The following NCAPH variants were observed in gnomAD, a reference collection of about 807,000 sequenced individuals.
NCAPH encodes the protein condensin complex subunit 2.
A neutral mutation model predicts 85.5 loss-of-function variants in NCAPH; 38 were observed. That is an observed-to-expected ratio of 0.44 (90% CI 0.34 to 0.58). NCAPH has a LOEUF of 0.58. Among genes scored for constraint, NCAPH ranks in the 20% least tolerant of loss-of-function variants. The probability of loss-of-function intolerance (pLI) is 0.01; values close to 1 mark genes in which losing one functional copy is unlikely to be tolerated. For synonymous variants in NCAPH, 301 were observed against 335.1 expected, an observed-to-expected ratio of 0.90 and a Z score of 1.11; for missense variants, 789 against 916.6, an observed-to-expected ratio of 0.86 and a Z score of 1.80.
chr2:96,361,829 T>TATATATATA (rs1491107013), intron 12 of NCAPH, among the ~76,000 whole-genome samples: 3 of 70,958 alleles, frequency 4.2e-5, no homozygotes, highest in African/African-American at 1.6e-4. Context: ...TATATATATA[T>TATATATATA]TTTTTTTTTT....
intron 1 of NCAPH, among the ~76,000 whole-genome samples, chr2:96,338,439 A>G (rs928961314): frequency 3.3e-5 from 5 of 152,076 alleles, no homozygotes; most frequent in Non-Finnish European, 7.3e-5. Context: ...TTTATTTTGG[A>G]TGGTCACTGT....
intron 16 of NCAPH, 22 bp downstream of exon 16, chr2:96,369,085 G>A: frequency 6.4e-7 from 1 of 1,550,994 alleles, no homozygotes; most frequent in Non-Finnish European, 8.7e-7. Flanking sequence ...CAGGCATGGG[G>A]GCTTTGTTGG....
intron 6 of NCAPH, among the ~76,000 whole-genome samples, chr2:96,346,119 A>C (rs2064357900): frequency 6.6e-6 from 1 of 152,056 alleles, no homozygotes; most frequent in East Asian, 1.9e-4. Context: ...CGCAGGTGAG[A>C]GGTAGGGAAT....
At chr2:96,343,959 C>T in intron 5 of NCAPH, 146 bp from the exon 6 acceptor site, 1 of 1,020,430 alleles carries the variant, frequency 9.8e-7, no homozygotes, top group Non-Finnish European at 1.4e-6. Flanking sequence ...GCCTCAGCCT[C>T]CCAAAGCGCT....
intron 8 of NCAPH, among the ~76,000 whole-genome samples, chr2:96,353,673 T>C (rs904961390): frequency 3.9e-5 from 6 of 151,986 alleles, no homozygotes; most frequent in African/African-American, 1.5e-4. Context: ...TCAGTGAACA[T>C]TTATAATTAG....
rs758448675 is a variant in NCAPH at position 96,365,985 on chromosome 2, G to T, written c.1808G>T (p.Gly603Val). 6.8e-6 allele frequency: 11 copies of T among 1,614,194 alleles called. No individual in the cohort carries two copies. Among genetic ancestry groups the T allele is most frequent in the Non-Finnish European group, 9.3e-6 (11 of 1,180,040 alleles). ...CHPPKTAQQN[G>V]DTPEAQGLDI... Reference sequence around the variant, plus strand: ...CCACCTAAGACAGCACAACAGAATGGTGACACTCCAGAAGCCCAAGGATTA... The same window carrying T: ...CCACCTAAGACAGCACAACAGAATGTTGACACTCCAGAAGCCCAAGGATTA... The change falls in exon 14 of 18, where the codon GGT (glycine) becomes GTT (valine). Residue 603 changes from glycine (G) to valine (V), a missense_variant. By Grantham distance (109) the Gly-to-Val change is moderately radical. Coordinates refer to ENST00000240423, the MANE Select transcript of NCAPH (RefSeq NM_015341.5).
intron 16 of NCAPH, 32 bp from the exon 17 acceptor site, chr2:96,369,393 A>G (rs780694684): frequency 6.4e-7 from 1 of 1,574,116 alleles, no homozygotes; most frequent in Non-Finnish European, 8.7e-7. Context: ...AACAGTTGGC[A>G]GTGACCTAAA....
intron 6 of NCAPH, among the ~76,000 whole-genome samples, chr2:96,345,024 A>G (rs188918432): frequency 8.5e-4 from 129 of 152,314 alleles, no homozygotes; most frequent in South Asian, 2.3e-3. Flanking sequence ...AACATTCATA[A>G]ATGGTAATTA....
At chr2:96,349,943 A>C (rs1043976924) in intron 6 of NCAPH, among the ~76,000 whole-genome samples, 1 of 152,252 alleles carries the variant, frequency 6.6e-6, no homozygotes, top group African/African-American at 2.4e-5. Context: ...GAACTGGGCC[A>C]TGAAGGAAGG....
At chr2:96,338,509 G>A (rs765658903) in intron 1 of NCAPH, among the ~76,000 whole-genome samples, 4 of 152,180 alleles carry the variant, frequency 2.6e-5, no homozygotes, top group Non-Finnish European at 5.9e-5. Flanking sequence ...GTTATCTTAC[G>A]TGGTGAAAGA....
At chr2:96,351,667 CA>C (rs368668931) in intron 6 of NCAPH, among the ~76,000 whole-genome samples, 163 bp from the exon 7 acceptor site, 1,152 of 54,244 alleles carry the variant, frequency 0.021, 8 homozygotes, top group East Asian at 0.07. Context: ...GACTCCATCT[CA>C]AAAAAAAAAA....
chr2:96,368,897 CACA>C, intron 15 of NCAPH, 72 bp from the exon 16 acceptor site: 3 of 1,377,100 alleles, frequency 2.2e-6, no homozygotes, highest in Non-Finnish European at 3.0e-6. Context: ...TTTTTGGTGA[CACA>C]ACTTTATTTT....
chr2:96,370,001 G>A (rs539032435), intron 17 of NCAPH, among the ~76,000 whole-genome samples: 4 of 152,372 alleles, frequency 2.6e-5, no homozygotes, highest in African/African-American at 9.6e-5. Context: ...GGGTCAGCGT[G>A]GCAGACTCCT....
chr2:96,347,281 T>G (rs975476015), intron 6 of NCAPH, among the ~76,000 whole-genome samples: 1 of 151,412 alleles, frequency 6.6e-6, no homozygotes, highest in African/African-American at 2.4e-5. Context: ...TCAGCCTGTT[T>G]TTTTTTTTTT....
chr2:96,369,949 A>C (rs2064751017), intron 17 of NCAPH, among the ~76,000 whole-genome samples: 1 of 152,226 alleles, frequency 6.6e-6, no homozygotes, highest in Non-Finnish European at 1.5e-5. Context: ...CAGAAAAGTC[A>C]AGCTGTGTGT....
intron 8 of NCAPH, among the ~76,000 whole-genome samples, chr2:96,353,639 A>AGG (rs1013510968): frequency 6.6e-6 from 1 of 152,132 alleles, no homozygotes; most frequent in Non-Finnish European, 1.5e-5. Flanking sequence ...CTGCTATCCT[A>AGG]GGGTAAGGCG....
At chr2:96,361,787 T>C (rs61443930) in intron 12 of NCAPH, among the ~76,000 whole-genome samples, 8 of 125,722 alleles carry the variant, frequency 6.4e-5, no homozygotes, top group African/African-American at 2.1e-4. Context: ...TATATACACA[T>C]ATATATGTAT....
intron 14 of NCAPH, 131 bp downstream of exon 14, chr2:96,366,189 A>G: frequency 9.5e-7 from 1 of 1,053,618 alleles, no homozygotes; most frequent in South Asian, 1.6e-5. Flanking sequence ...CCAAGTTTTA[A>G]ATAGGGTTGT....
chr2:96,335,827 A>G lies in NCAPH; in HGVS notation c.-3A>G, dbSNP rs2064204092. ...AAACCAGCTCAGGAGACGCCAAGGA[A>G]AGATGGGACCTCCCGGCCCAGGTGA... On this transcript the variant is annotated 5_prime_UTR_variant, in exon 1 of 18. Coordinates refer to ENST00000240423, the MANE Select transcript of NCAPH (RefSeq NM_015341.5). 1 of 1,497,266 alleles carries G rather than the reference A, an allele frequency of 6.7e-7. No individual in the cohort carries two copies. The highest frequency in any genetic ancestry group is 1.5e-5 in the African/African-American group (1 of 68,222). The allele number at this position is 1,497,266 out of a possible 1,614,324, so 92.7% of individuals were successfully genotyped here.
Sources: allele counts gnomAD v4.1 joint callset (sites outside exome capture counted in the v4.1 genomes callset), GRCh38; gene constraint gnomAD v4.1.1; transcripts MANE v1.5; gene names NCBI Gene and HGNC (gene_info 2026-07-23, HGNC 2026-07-21).